Variants in RSRC1 observed in about 807,000 individuals in gnomAD.
RSRC1 encodes the protein arginine and serine rich coiled-coil 1.
RSRC1 carries 39 observed loss-of-function variants against 49.1 expected under a neutral mutation model. The observed-to-expected ratio is 0.79, with a 90% confidence interval of 0.61 to 1.04. RSRC1 has a LOEUF of 1.04. Ranked by LOEUF, RSRC1 falls within the 50% of genes least tolerant of loss-of-function variation. The pLI is 0.00. For synonymous variants in RSRC1, 143 were observed against 130.8 expected (o/e 1.09, Z -0.63); for missense variants, 388 against 402.4 (o/e 0.96, Z 0.31).
chr3:158,517,393 T>C (rs1740629942), intron 7 of RSRC1, among the ~76,000 whole-genome samples: 1 of 152,136 alleles, frequency 6.6e-6, no homozygotes, highest in Non-Finnish European at 1.5e-5. Context: ...CAGTACCTAA[T>C]AGAAATGGTG....
At chr3:158,352,341 A>G (rs541195931) in intron 5 of RSRC1, among the ~76,000 whole-genome samples, 27 of 152,258 alleles carry the variant, frequency 1.8e-4, no homozygotes, top group African/African-American at 6.5e-4. Flanking sequence ...ATGGTTATAG[A>G]TGTGGAGAGG....
chr3:158,312,899 G>A (rs1188994573), intron 5 of RSRC1, among the ~76,000 whole-genome samples: 4 of 152,222 alleles, frequency 2.6e-5, no homozygotes, highest in Non-Finnish European at 4.4e-5. Context: ...TCTTCATGAA[G>A]GATGAAGTCC....
At chr3:158,400,359 T>C (rs1272577379) in intron 6 of RSRC1, among the ~76,000 whole-genome samples, 1 of 152,154 alleles carries the variant, frequency 6.6e-6, no homozygotes, top group African/African-American at 2.4e-5. Context: ...TAAATGTTAC[T>C]GGTTTATGTA....
chr3:158,345,066 A>T (rs539368539), intron 5 of RSRC1, among the ~76,000 whole-genome samples: 113 of 151,818 alleles, frequency 7.4e-4, no homozygotes, highest in Middle Eastern at 3.4e-3. Flanking sequence ...TAAAAAATAA[A>T]AAAAAAAAAA....
intron 6 of RSRC1, among the ~76,000 whole-genome samples, chr3:158,396,973 A>C (rs1283748218): frequency 6.6e-6 from 1 of 152,136 alleles, no homozygotes; most frequent in Non-Finnish European, 1.5e-5. Context: ...AAGGTCAAAC[A>C]TCTATAGTTA....
chr3:158,240,155 T>G (rs1426334184), intron 4 of RSRC1, among the ~76,000 whole-genome samples: 1 of 152,196 alleles, frequency 6.6e-6, no homozygotes, highest in Non-Finnish European at 1.5e-5. Flanking sequence ...TTTTGTTGAA[T>G]TGTTGCCTGT....
rs1260594195 is a variant in RSRC1 at position 158,291,370 on chromosome 3, A to G, written c.495-6669A>G. ...GTTATGTGATTTATGGTTTATGAGT[A>G]TTTTATAATTAAACCCTCACTGGAA... On this transcript the variant is annotated intron_variant, in intron 4 of 9. Transcript: ENST00000611884. 2.6e-5 allele frequency among the ~76,000 whole-genome samples: 4 copies of G among 152,124 alleles called. No individual in the cohort carries two copies. The East Asian group carries it at 7.7e-4, about 29-fold the overall frequency.
At chr3:158,198,339 G>C (rs542396770) in intron 3 of RSRC1, among the ~76,000 whole-genome samples, 65 of 151,908 alleles carry the variant, frequency 4.3e-4, no homozygotes, top group Non-Finnish European at 8.2e-4. Context: ...TTTCCCATTT[G>C]CTTGGTAGAT....
At chr3:158,132,712 G>C (rs1716121426) in intron 3 of RSRC1, among the ~76,000 whole-genome samples, 1 of 152,090 alleles carries the variant, frequency 6.6e-6, no homozygotes, top group Non-Finnish European at 1.5e-5. Flanking sequence ...CCTTGTTTTT[G>C]TAGTTTTTCC....
chr3:158,404,743 A>G (rs1734067640), intron 6 of RSRC1, among the ~76,000 whole-genome samples: 1 of 152,038 alleles, frequency 6.6e-6, no homozygotes, highest in Non-Finnish European at 1.5e-5. Flanking sequence ...AAGTATAGCA[A>G]GGATATAAAG....
chr3:158,143,882 T>G (rs1194398112), intron 3 of RSRC1, among the ~76,000 whole-genome samples: 1 of 152,200 alleles, frequency 6.6e-6, no homozygotes, highest in Non-Finnish European at 1.5e-5. Flanking sequence ...GGTAAATGTC[T>G]GCTACTATGT....
At chr3:158,446,814 A>T (rs1266429247) in intron 6 of RSRC1, among the ~76,000 whole-genome samples, 1 of 151,992 alleles carries the variant, frequency 6.6e-6, no homozygotes, top group Non-Finnish European at 1.5e-5. Context: ...AGGCTAGTAA[A>T]GGTCATATGT....
intron 4 of RSRC1, among the ~76,000 whole-genome samples, chr3:158,210,076 A>G (rs1721579122): frequency 6.6e-6 from 1 of 152,106 alleles, no homozygotes; most frequent in Non-Finnish European, 1.5e-5. Flanking sequence ...GCAGTTACAT[A>G]CTTATAGAGT....
intron 3 of RSRC1, among the ~76,000 whole-genome samples, chr3:158,151,813 G>T (rs1717555089): frequency 6.6e-6 from 1 of 152,136 alleles, no homozygotes; most frequent in African/African-American, 2.4e-5. Context: ...AGTAAATACT[G>T]TACAAGTATT....
intron 5 of RSRC1, among the ~76,000 whole-genome samples, chr3:158,350,180 T>TA (rs62971660): frequency 2.4e-4 from 1 of 4,222 alleles, no homozygotes; most frequent in African/African-American, 4.1e-4. Context: ...ATATATATAA[T>TA]TTTTTTTTTT....
Position 158,203,192 on chromosome 3 carries a change from A to G in RSRC1, c.441A>G (p.Arg147=). 2 of 1,612,008 alleles carry G rather than the reference A, an allele frequency of 1.2e-6. No individual in the cohort carries two copies. Among genetic ancestry groups the G allele is most frequent in the Non-Finnish European group, 1.7e-6 (2 of 1,179,056 alleles). The part of the protein sequence containing the change: ...ERRKGRDKEK[R]EKEKDKGKDK... ...GTAAGGGCAGAGATAAAGAGAAAAGAGAAAAGGAGAAGGATAAAGGGAAGG... is the reference window on the plus strand; with the variant it reads ...GTAAGGGCAGAGATAAAGAGAAAAGGGAAAAGGAGAAGGATAAAGGGAAGG... The change falls in exon 4 of 10, where the codon AGA becomes AGG. Residue 147 remains arginine (R), a synonymous_variant. Transcript: ENST00000611884.
chr3:158,432,301 T>C (rs899921941), intron 6 of RSRC1, among the ~76,000 whole-genome samples: 2 of 151,968 alleles, frequency 1.3e-5, no homozygotes, highest in African/African-American at 4.8e-5. Context: ...GACGTAGCTC[T>C]AATTGATTAT....
At chr3:158,517,837 C>T (rs931646983) in intron 7 of RSRC1, among the ~76,000 whole-genome samples, 5 of 131,770 alleles carry the variant, frequency 3.8e-5, no homozygotes, top group African/African-American at 1.5e-4. Flanking sequence ...ATCGTGGACT[C>T]AGGCAGTCCT....
At chr3:158,236,038 C>T (rs1723221662) in intron 4 of RSRC1, among the ~76,000 whole-genome samples, 1 of 151,796 alleles carries the variant, frequency 6.6e-6, no homozygotes, top group South Asian at 2.1e-4. Flanking sequence ...ACTCCATGAA[C>T]TCAGGAGGCG....
Sources: gnomAD v4.1 joint callset for allele counts (sites outside exome capture counted in the v4.1 genomes callset) on GRCh38, gnomAD v4.1.1 for gene constraint, MANE v1.5 for transcripts, NCBI Gene and HGNC (gene_info 2026-07-23, HGNC 2026-07-21) for gene names.